The following ATXN1 variants were observed in gnomAD, a reference collection of about 807,000 sequenced individuals.
The protein encoded by ATXN1 is ataxin 1.
A neutral mutation model predicts 56.4 loss-of-function variants in ATXN1; 8 were observed. The observed-to-expected ratio is 0.14, with a 90% CI of 0.08 to 0.26. The LOEUF is 0.26. Ranked by LOEUF, ATXN1 falls within the 10% of genes least tolerant of loss-of-function variation. The pLI is 1.00. For missense variants in ATXN1, 987 were observed against 1,106.5 expected, an observed-to-expected ratio of 0.89 and a Z score of 1.53; for synonymous variants, 514 against 494.6, an observed-to-expected ratio of 1.04 and a Z score of -0.52.
intron 1 of ATXN1, among the ~76,000 whole-genome samples, chr6:16,758,052 C>T (rs1760942356): frequency 1.3e-5 from 2 of 152,182 alleles, no homozygotes; most frequent in South Asian, 4.1e-4. Context: ...ATCCTTTTAA[C>T]TTACTACCAA....
At chr6:16,341,503 T>C (rs1412723906) in intron 6 of ATXN1, among the ~76,000 whole-genome samples, 1 of 151,082 alleles carries the variant, frequency 6.6e-6, no homozygotes, top group East Asian at 2.0e-4. Flanking sequence ...TGAGAACCTC[T>C]GGTATAGAGG....
rs533804086 is a variant in ATXN1, at chr6:16,410,665, A to G, written c.-161+75307T>C. ...TTCTTTATGTTCTAAAGTCTTAATC[A>G]TGCATTTCTTTCAAATTGTGAGCCT... On this transcript the variant is annotated intron_variant, in intron 6 of 7. Coordinates refer to ENST00000436367, the MANE Select transcript of ATXN1 (RefSeq NM_001128164.2). The surrounding 1 kb of genome is among the most constrained non-coding windows in gnomAD (Gnocchi z 4.6). Among the ~76,000 whole-genome samples the G allele has an allele frequency of 2.0e-3, 301 of 152,346 alleles. No homozygotes were observed. The highest frequency in any genetic ancestry group is 7.0e-3 in the African/African-American group (290 of 41,582).
intron 6 of ATXN1, among the ~76,000 whole-genome samples, chr6:16,376,078 A>G (rs1762135215): frequency 6.6e-6 from 1 of 152,272 alleles, no homozygotes; most frequent in African/African-American, 2.4e-5. Context: ...GCATGGTTAC[A>G]TAAGCCTACA....
intron 6 of ATXN1, among the ~76,000 whole-genome samples, chr6:16,379,430 GTTA>G (rs1762207588): frequency 1.3e-5 from 2 of 152,214 alleles, no homozygotes; most frequent in East Asian, 3.9e-4. Flanking sequence ...ATTTTAAGAA[GTTA>G]TTATTATGCC....
At chr6:16,712,925 G>A (rs945716074) in intron 2 of ATXN1, among the ~76,000 whole-genome samples, 17 of 152,146 alleles carry the variant, frequency 1.1e-4, no homozygotes, top group African/African-American at 3.9e-4. Context: ...AAATGGCTAC[G>A]AGGGAGTATC....
At chr6:16,756,856 T>C (rs974322739) in intron 1 of ATXN1, among the ~76,000 whole-genome samples, 11 of 152,242 alleles carry the variant, frequency 7.2e-5, no homozygotes, top group Non-Finnish European at 1.6e-4. Flanking sequence ...GCTTAACTTT[T>C]AATAGGAAAC....
At chr6:16,597,559 C>T (rs1338770693) in intron 3 of ATXN1, among the ~76,000 whole-genome samples, 5 of 152,082 alleles carry the variant, frequency 3.3e-5, no homozygotes, top group Admixed American at 3.3e-4. Context: ...CTGCCTCTGC[C>T]TCCCCAGTAG....
intron 6 of ATXN1, among the ~76,000 whole-genome samples, chr6:16,368,856 G>A (rs1761982434): frequency 6.6e-6 from 1 of 152,126 alleles, no homozygotes; most frequent in Non-Finnish European, 1.5e-5. Context: ...GTGCTAAATG[G>A]AGATTTTCAA....
chr6:16,321,192 C>T (rs1249246780), intron 7 of ATXN1, among the ~76,000 whole-genome samples: 2 of 152,188 alleles, frequency 1.3e-5, no homozygotes, highest in Non-Finnish European at 2.9e-5. Flanking sequence ...GGAGGAGGTG[C>T]GAAGCCCCAT....
intron 6 of ATXN1, among the ~76,000 whole-genome samples, chr6:16,340,725 A>G (rs564093964): frequency 1.2e-4 from 18 of 152,358 alleles, no homozygotes; most frequent in African/African-American, 3.4e-4. Flanking sequence ...AGGCCAAGTA[A>G]TAAAATATAA....
At chr6:16,705,216 T>C (rs751850300) in intron 2 of ATXN1, among the ~76,000 whole-genome samples, 9 of 152,112 alleles carry the variant, frequency 5.9e-5, no homozygotes, top group Non-Finnish European at 1.2e-4. Context: ...TGATACAGAA[T>C]TCCAGACCTA....
At chr6:16,759,474 T>C (rs1295180131) in intron 1 of ATXN1, among the ~76,000 whole-genome samples, 1 of 149,012 alleles carries the variant, frequency 6.7e-6, no homozygotes, top group Non-Finnish European at 1.5e-5. Flanking sequence ...AAAATAAAAA[T>C]AGCTTGCCTT....
At chr6:16,460,669 G>A (rs1471964528) in intron 6 of ATXN1, among the ~76,000 whole-genome samples, 1 of 152,154 alleles carries the variant, frequency 6.6e-6, no homozygotes, top group Non-Finnish European at 1.5e-5. Flanking sequence ...TTGTAGCCCA[G>A]ACTTATGCTT....
At chr6:16,458,319 CA>C (rs1220229847) in intron 6 of ATXN1, among the ~76,000 whole-genome samples, 1 of 152,172 alleles carries the variant, frequency 6.6e-6, no homozygotes, top group African/African-American at 2.4e-5. Context: ...ATGAATTATT[CA>C]ATGATGTCCA....
At chr6:16,504,326 T>C (rs1737843) in intron 5 of ATXN1, among the ~76,000 whole-genome samples, 31,699 of 152,142 alleles carry the variant, frequency 0.21, 3,573 homozygotes, top group South Asian at 0.35. Flanking sequence ...ACAGGGCCTG[T>C]GTGTCAAACA....
At chr6:16,332,304 G>A (rs1261365851) in intron 6 of ATXN1, among the ~76,000 whole-genome samples, 2 of 152,192 alleles carry the variant, frequency 1.3e-5, no homozygotes, top group South Asian at 2.1e-4. Flanking sequence ...GGCGCCCCAG[G>A]ATGGCACCAC....
intron 3 of ATXN1, among the ~76,000 whole-genome samples, chr6:16,612,967 G>A (rs940273406): frequency 6.6e-6 from 1 of 151,286 alleles, no homozygotes; most frequent in Non-Finnish European, 1.5e-5. Context: ...ATCCAAATGT[G>A]AGATAAAAAT....
At chr6:16,375,860 A>G (rs763497793) in intron 6 of ATXN1, among the ~76,000 whole-genome samples, 4 of 152,246 alleles carry the variant, frequency 2.6e-5, no homozygotes, top group Non-Finnish European at 5.9e-5. Context: ...ACAAGAAAAG[A>G]GAAAAGACAG....
intron 5 of ATXN1, among the ~76,000 whole-genome samples, chr6:16,517,769 C>A (rs559989442): frequency 1.2e-4 from 19 of 152,170 alleles, no homozygotes; most frequent in African/African-American, 4.3e-4. Flanking sequence ...CACTCACCTA[C>A]ATGAGAGCAC....
Sources: allele counts gnomAD v4.1 joint callset (sites outside exome capture counted in the v4.1 genomes callset), GRCh38; gene constraint gnomAD v4.1.1; non-coding constraint Gnocchi (gnomAD v3.1); transcripts MANE v1.5; gene names NCBI Gene and HGNC (gene_info 2026-07-23, HGNC 2026-07-21).